The following ADAMTS18 variants were observed in gnomAD, a reference collection of about 807,000 sequenced individuals.
The protein encoded by ADAMTS18 is ADAM metallopeptidase with thrombospondin type 1 motif 18, also known as A disintegrin and metalloproteinase with thrombospondin motifs 18.
A neutral mutation model predicts 165.9 loss-of-function variants in ADAMTS18; 157 were observed. The ratio of observed to expected loss-of-function variants is 0.95; its 90% CI spans 0.83 to 1.08. ADAMTS18 has a LOEUF of 1.08. ADAMTS18 is among the 50% of genes least tolerant of loss of function. The probability of loss-of-function intolerance (pLI) is 0.00; values close to 1 mark genes in which losing one functional copy is unlikely to be tolerated. For missense variants in ADAMTS18, 2,040 were observed against 1,534.0 expected (o/e 1.33, Z -5.51); for synonymous variants, 782 against 578.2 (o/e 1.35, Z -5.06).
chr16:77,328,267 C>T (rs1391231130), intron 12 of ADAMTS18, among the ~76,000 whole-genome samples: 1 of 152,120 alleles, frequency 6.6e-6, no homozygotes, highest in Admixed American at 6.6e-5. Context: ...GATGTGGCTT[C>T]TTGTCACTCC....
In ADAMTS18 at chr16:77,289,281, G is replaced by C; in HGVS notation, c.3533C>G (p.Pro1178Arg). 1 of 1,614,116 alleles carries C rather than the reference G, an allele frequency of 6.2e-7. No homozygotes were observed. The highest frequency in any genetic ancestry group is 2.2e-5 in the East Asian group (1 of 44,874). ...CTTTTTACCTCTCTTTTCAGGAGCTGGACAGAAGTTTGTATTACAGGCTCG... is the reference window on the plus strand; with the variant it reads ...CTTTTTACCTCTCTTTTCAGGAGCTCGACAGAAGTTTGTATTACAGGCTCG... The part of the protein sequence containing the change: ...VLRACNTNFC[P>R]APEKREDPSC... The change falls in exon 22 of 23, where the codon CCA (proline) becomes CGA (arginine). Residue 1178 changes from proline (P) to arginine (R), a missense_variant. Pro to Arg is a moderately radical substitution (Grantham distance 103). Coordinates refer to ENST00000282849, the MANE Select transcript of ADAMTS18 (RefSeq NM_199355.4).
At chr16:77,335,449 A>G (rs1019052640) in intron 12 of ADAMTS18, among the ~76,000 whole-genome samples, 4 of 152,044 alleles carry the variant, frequency 2.6e-5, no homozygotes, top group African/African-American at 4.8e-5. Context: ...ATAGTTAACA[A>G]TTCATTGTAT....
rs765459831 is a variant in ADAMTS18, at chr16:77,299,318, C to T, written c.2674+945G>A. 1.3e-5 allele frequency among the ~76,000 whole-genome samples: 2 copies of T among 152,148 alleles called. 1 individual carries two copies. The highest frequency in any genetic ancestry group is 1.3e-4 in the Admixed American group (2 of 15,280). On this transcript the variant is annotated intron_variant, in intron 17 of 22. Transcript: ENST00000282849. Reference sequence around the variant, plus strand: ...TGGGGATTACCTTTCTTCTTAATAGCCCATTGCTTTTAAAATGGGTATTAC... The same window carrying T: ...TGGGGATTACCTTTCTTCTTAATAGTCCATTGCTTTTAAAATGGGTATTAC...
At chr16:77,341,628 G>T in intron 11 of ADAMTS18, 76 bp downstream of exon 11, 1 of 1,175,732 alleles carries the variant, frequency 8.5e-7, no homozygotes, top group Non-Finnish European at 1.3e-6. Flanking sequence ...TTCACCCTAA[G>T]GTCACAATAC....
At position 77,364,214 on chromosome 16, in the gene ADAMTS18, T is replaced by G. The variant is rs201198436; in HGVS notation, c.946A>C (p.Thr316Pro). 1 of 1,614,104 alleles carries G rather than the reference T, an allele frequency of 6.2e-7. No individual in the cohort carries two copies. Among genetic ancestry groups the G allele is most frequent in the Non-Finnish European group, 8.5e-7 (1 of 1,180,022 alleles). The change falls in exon 5 of 23, where the codon ACA (threonine) becomes CCA (proline). Residue 316 changes from threonine to proline, a missense_variant. Physicochemically the swap from Thr to Pro is conservative, Grantham distance 38 (BLOSUM62 -1). Transcript: ENST00000282849. Reference protein sequence around the residue: ...VEKHGKGNVTTYILTVMNMVS... With the variant: ...VEKHGKGNVTPYILTVMNMVS... Reference sequence around the variant, plus strand: ...ATGTTCATTACTGTGAGAATGTATGTGGTGACATTTCCCTTGCCATGCTTT... The same window carrying G: ...ATGTTCATTACTGTGAGAATGTATGGGGTGACATTTCCCTTGCCATGCTTT...
chr16:77,434,720 C>A lies in ADAMTS18; in HGVS notation c.-25G>T. The A allele has an allele frequency of 7.0e-7, 1 of 1,421,172 alleles. No individual in the cohort carries two copies. The highest frequency in any genetic ancestry group is 9.2e-7 in the Non-Finnish European group (1 of 1,088,680). 88.0% of individuals were successfully genotyped at this position (1,421,172 alleles called of 1,614,324 possible). A position where few individuals can be genotyped will look rare whatever the true frequency, so the allele number is the denominator to read the frequency against. On this transcript the variant is annotated 5_prime_UTR_variant, in exon 1 of 23. Transcript: ENST00000282849. ...TGGTCAGGTGCGGACGCGGCGGCTG[C>A]GGGTGGCCAGACGCGGCAGGCGGAG...
intron 12 of ADAMTS18, among the ~76,000 whole-genome samples, chr16:77,331,738 C>T (rs902949288): frequency 1.6e-4 from 25 of 152,088 alleles, no homozygotes; most frequent in African/African-American, 6.0e-4. Flanking sequence ...GACATCTTAC[C>T]ATGTACAGGA....
intron 13 of ADAMTS18, among the ~76,000 whole-genome samples, chr16:77,322,748 C>T (rs1195625406): frequency 6.6e-6 from 1 of 152,166 alleles, no homozygotes; most frequent in Non-Finnish European, 1.5e-5. Context: ...TATCCAGCCT[C>T]CCTGGATAGT....
chr16:77,361,974 T>G, intron 7 of ADAMTS18, 131 bp downstream of exon 7: 4 of 1,039,320 alleles, frequency 3.8e-6, no homozygotes, highest in Non-Finnish European at 5.8e-6. Flanking sequence ...ACAGGGTACA[T>G]TAGGTTACTC....
intron 10 of ADAMTS18, among the ~76,000 whole-genome samples, chr16:77,348,278 A>G (rs34709498): frequency 6.6e-6 from 1 of 152,170 alleles, no homozygotes; most frequent in Non-Finnish European, 1.5e-5. Flanking sequence ...CTAGATAATA[A>G]CCTTATTACT....
At chr16:77,356,225 T>C in intron 8 of ADAMTS18, 148 bp from the exon 9 acceptor site, 2 of 972,234 alleles carry the variant, frequency 2.1e-6, no homozygotes, top group Non-Finnish European at 3.1e-6. Flanking sequence ...GGCAAATTAC[T>C]ATAGATTGTT....
intron 12 of ADAMTS18, among the ~76,000 whole-genome samples, chr16:77,331,370 G>A (rs1228133162): frequency 6.6e-6 from 1 of 152,172 alleles, no homozygotes; most frequent in East Asian, 1.9e-4. Context: ...CTTCACAAAT[G>A]TAAAGTAATA....
rs1028562568 is a variant in ADAMTS18 at position 77,282,760 on chromosome 16, C to T, written c.*1196G>A. 5 of 152,474 alleles carry T rather than the reference C, an allele frequency of 3.3e-5. No individual in the cohort carries two copies. The highest frequency in any genetic ancestry group is 5.9e-5 in the Non-Finnish European group (4 of 68,020). 9.4% of individuals were successfully genotyped at this position (152,474 alleles called of 1,614,324 possible). A position where few individuals can be genotyped will look rare whatever the true frequency, so the allele number is the denominator to read the frequency against. The stretch of plus-strand genomic sequence containing the variant: ...TTTCAATTGAGAACAATTTTAAACT[C>T]ATTAATGCCTACCAACAGCTGGCTT... On this transcript the variant is annotated 3_prime_UTR_variant, in exon 23 of 23. Transcript: ENST00000282849.
chr16:77,334,717 G>C (rs2056265748), intron 12 of ADAMTS18, among the ~76,000 whole-genome samples: 1 of 91,352 alleles, frequency 1.1e-5, no homozygotes, highest in Non-Finnish European at 2.1e-5. Context: ...GTATACTATA[G>C]TATACTACTA....
chr16:77,313,444 AAAAAT>A (rs903020863), intron 16 of ADAMTS18, among the ~76,000 whole-genome samples: 249 of 149,150 alleles, frequency 1.7e-3, no homozygotes, highest in Non-Finnish European at 3.2e-3. Flanking sequence ...AAAGTATAAT[AAAAAT>A]AAAATAAATA....
chr16:77,364,166 G>A (rs1283373277), intron 5 of ADAMTS18, 22 bp downstream of exon 5: 2 of 1,613,832 alleles, frequency 1.2e-6, no homozygotes, highest in Non-Finnish European at 1.7e-6. Context: ...AGAGCCAGAA[G>A]GTTTGTGACA....
intron 18 of ADAMTS18, among the ~76,000 whole-genome samples, chr16:77,295,353 G>T (rs183082950): frequency 2.0e-5 from 3 of 152,172 alleles, no homozygotes; most frequent in Admixed American, 2.0e-4. Context: ...ATATACTCCC[G>T]CCTCTGCATG....
At chr16:77,374,739 T>C (rs778707972) in intron 3 of ADAMTS18, among the ~76,000 whole-genome samples, 9 of 152,116 alleles carry the variant, frequency 5.9e-5, no homozygotes, top group Non-Finnish European at 1.3e-4. Flanking sequence ...AGAGAAAACT[T>C]CCACACTGAG....
intron 3 of ADAMTS18, among the ~76,000 whole-genome samples, chr16:77,378,433 G>A (rs565962542): frequency 6.6e-6 from 1 of 151,996 alleles, no homozygotes; most frequent in Non-Finnish European, 1.5e-5. Flanking sequence ...GCTAAAAACA[G>A]GCTGGGCACG....
Sources: gnomAD v4.1 joint callset for allele counts (sites outside exome capture counted in the v4.1 genomes callset) on GRCh38, gnomAD v4.1.1 for gene constraint, MANE v1.5 for transcripts, NCBI Gene and HGNC (gene_info 2026-07-23, HGNC 2026-07-21) for gene names.